The following MFN2 variants were observed in gnomAD, a reference collection of about 807,000 sequenced individuals.
MFN2 encodes mitofusin-2.
MFN2 carries 43 observed loss-of-function variants against 87.5 expected under a neutral mutation model. The ratio of observed to expected loss-of-function variants is 0.49; its 90% CI spans 0.38 to 0.63. MFN2 has a LOEUF of 0.63. Among genes scored for constraint, MFN2 ranks in the 30% least tolerant of loss-of-function variants. The pLI is 0.00. For synonymous variants in MFN2, 337 were observed against 359.9 expected (o/e 0.94, Z 0.72); for missense variants, 743 against 972.8 (o/e 0.76, Z 3.14).
Position 12,003,878 on chromosome 1 carries a change from C to A in MFN2, c.1161-114C>A. The A allele has an allele frequency of 7.1e-7, 1 of 1,413,044 alleles. No individual in the cohort carries two copies. The allele number at this position is 1,413,044 out of a possible 1,614,324, so 87.5% of individuals were successfully genotyped here. A position where few individuals can be genotyped will look rare whatever the true frequency, so the allele number is the denominator to read the frequency against. On this transcript the variant is annotated intron_variant, in intron 11 of 18. Coordinates refer to ENST00000235329, the MANE Select transcript of MFN2 (RefSeq NM_014874.4). The surrounding 1 kb of genome is among the most constrained non-coding windows in gnomAD (Gnocchi z 4.1). The stretch of plus-strand genomic sequence containing the variant: ...GGCCATGCCCCTGGGTGCGTGTGTG[C>A]AGCCCTGCCAGGCAAGATAGCGGGC...
intron 2 of MFN2, 125 bp from the exon 3 acceptor site, chr1:11,989,040 C>A: frequency 9.3e-7 from 1 of 1,069,838 alleles, no homozygotes; most frequent in Non-Finnish European, 1.4e-6. Context: ...TTGTTCTAGT[C>A]CTGGAGGTTG....
intron 6 of MFN2, among the ~76,000 whole-genome samples, chr1:11,998,097 T>C (rs927015618): frequency 6.6e-6 from 1 of 150,614 alleles, no homozygotes; most frequent in Admixed American, 6.6e-5. Context: ...TTGGCCAGGC[T>C]GGTCTTGAAC....
chr1:12,004,010 G>C lies in MFN2; in HGVS notation c.1179G>C (p.Met393Ile), dbSNP rs12069578. 14 of 1,614,144 alleles carry C rather than the reference G, an allele frequency of 8.7e-6. No individual in the cohort carries two copies. The highest frequency in any genetic ancestry group is 1.3e-5 in the African/African-American group (1 of 74,948). The change falls in exon 12 of 19, where the codon ATG becomes ATC. Residue 393 changes from methionine (M) to isoleucine (I), a missense_variant. Physicochemically the swap from Met to Ile is conservative, Grantham distance 10 (BLOSUM62 1). This residue lies in a region of MFN2 where 571 missense variants were observed against 670.7 expected (regional missense o/e 0.85). Coordinates refer to ENST00000235329, the MANE Select transcript of MFN2 (RefSeq NM_014874.4). This position sits in a 1 kb window ranked among gnomAD's most constrained non-coding sequence, Gnocchi z 4.2. ...AREQQVYCEE[M>I]REERQDRLKF... ...CTTTCAGGGTTTACTGCGAGGAAAT[G>C]CGTGAAGAGCGGCAAGACCGACTGA...
intron 9 of MFN2, 68 bp downstream of exon 9, chr1:12,001,622 C>CT (rs1299940089): frequency 1.2e-6 from 2 of 1,610,454 alleles, no homozygotes; most frequent in African/African-American, 1.3e-5. Flanking sequence ...GCTGAGGAGT[C>CT]TGTCAGTAGA....
At chr1:12,005,556 TCA>T (rs1388132874) in intron 14 of MFN2, among the ~76,000 whole-genome samples, 153 bp from the exon 15 acceptor site, 2 of 152,232 alleles carry the variant, frequency 1.3e-5, no homozygotes, top group African/African-American at 2.4e-5. Context: ...TGAGGCATGC[TCA>T]GTCTCACGGG....
intron 4 of MFN2, among the ~76,000 whole-genome samples, 161 bp downstream of exon 4, chr1:11,992,851 T>C (rs1439936577): frequency 1.3e-5 from 2 of 151,950 alleles, no homozygotes; most frequent in Middle Eastern, 3.2e-3. Flanking sequence ...TGAGACAGGG[T>C]TCTCTGTCAC....
chr1:11,998,688 C>T, intron 6 of MFN2, 82 bp from the exon 7 acceptor site: 4 of 1,311,762 alleles, frequency 3.0e-6, no homozygotes, highest in Non-Finnish European at 4.4e-6. Context: ...CTGCCTGCCT[C>T]ACAAGTCCCA....
chr1:11,986,203 T>C (rs1638398687), intron 2 of MFN2, among the ~76,000 whole-genome samples: 1 of 152,234 alleles, frequency 6.6e-6, no homozygotes, highest in Admixed American at 6.5e-5. Context: ...TTGGTCTTCA[T>C]GTACCTCTTC....
chr1:12,005,994 A>G (rs778739619), intron 15 of MFN2, 63 bp downstream of exon 15: 212 of 1,513,282 alleles, frequency 1.4e-4, no homozygotes, highest in Non-Finnish European at 1.8e-4. Context: ...GCCTCCAGAC[A>G]CGGGAACCAT....
chr1:12,011,377 G>A, intron 18 of MFN2, 119 bp from the exon 19 acceptor site: 3 of 1,057,242 alleles, frequency 2.8e-6, no homozygotes, highest in Non-Finnish European at 2.9e-6. Context: ...GGATAAACAC[G>A]ATTGTTGGAG....
At chr1:11,984,532 G>C (rs776319663) in intron 2 of MFN2, among the ~76,000 whole-genome samples, 2 of 152,158 alleles carry the variant, frequency 1.3e-5, no homozygotes, top group Non-Finnish European at 2.9e-5. Flanking sequence ...TTTCATCCAC[G>C]GATCCAGGCT....
intron 3 of MFN2, among the ~76,000 whole-genome samples, chr1:11,989,678 C>A (rs1427894387): frequency 6.6e-6 from 1 of 152,100 alleles, no homozygotes. Flanking sequence ...AGGGTTTTAC[C>A]CAGGTGTCTC....
intron 1 of MFN2, among the ~76,000 whole-genome samples, chr1:11,980,717 C>T (rs1173701398): frequency 2.0e-5 from 3 of 152,238 alleles, no homozygotes; most frequent in African/African-American, 7.2e-5. Flanking sequence ...CTCATCGCCC[C>T]CGCCTTTCCA....
rs548364420 is a variant in MFN2 at position 11,992,501 on chromosome 1, G to A, written c.176-54G>A. On this transcript the variant is annotated intron_variant, in intron 3 of 18. Transcript: ENST00000235329. Reference sequence around the variant, plus strand: ...GGCGCTCTGGCCCTTCCAGACTTGGGACTGTGGAACTCCTCTGACCACGTG... The same window carrying A: ...GGCGCTCTGGCCCTTCCAGACTTGGAACTGTGGAACTCCTCTGACCACGTG... 94 of 1,612,702 alleles carry A rather than the reference G, an allele frequency of 5.8e-5. No homozygotes were observed. In the South Asian group the frequency reaches 9.3e-4, roughly 16 times the overall value.
chr1:11,997,370 GGCCCAACTCTAAGT>G lies in MFN2; in HGVS notation c.554_567del (p.Asn185ThrfsTer5). On this transcript the variant is annotated frameshift_variant, in exon 6 of 19. Coordinates refer to ENST00000235329, the MANE Select transcript of MFN2 (RefSeq NM_014874.4). LOFTEE classifies it high-confidence loss of function. Reference sequence around the variant, plus strand: ...GCCGGCAGCCTAGTGAGTGTGATGTGGCCCAACTCTAAGTGCCCACTTCTGAAGGATGACCTCGT... The same window carrying G: ...GCCGGCAGCCTAGTGAGTGTGATGTGGCCCACTTCTGAAGGATGACCTCGT... 6.2e-7 allele frequency: 1 copy of G among 1,614,174 alleles called. No individual in the cohort carries two copies. The highest frequency in any genetic ancestry group is 8.5e-7 in the Non-Finnish European group (1 of 1,180,020).
At chr1:11,993,518 G>A (rs1316124552) in intron 4 of MFN2, among the ~76,000 whole-genome samples, 1 of 151,970 alleles carries the variant, frequency 6.6e-6, no homozygotes, top group Non-Finnish European at 1.5e-5. Context: ...GGTGGATCAC[G>A]AGGTCAGGAG....
At chr1:11,987,632 A>G (rs1638475296) in intron 2 of MFN2, among the ~76,000 whole-genome samples, 1 of 145,910 alleles carries the variant, frequency 6.9e-6, no homozygotes. Context: ...TCTGTCTCAG[A>G]AAAAAAAAAA....
intron 8 of MFN2, among the ~76,000 whole-genome samples, chr1:12,000,624 T>C (rs1019471044): frequency 1.3e-5 from 2 of 152,190 alleles, no homozygotes; most frequent in Non-Finnish European, 2.9e-5. Flanking sequence ...TGACACGTGG[T>C]AGGTGTCTAC....
In MFN2 at chr1:11,994,614, A is replaced by G. The variant is rs930990967; in HGVS notation, c.312-1542A>G. Among the ~76,000 whole-genome samples the G allele has an allele frequency of 2.6e-5, 4 of 152,096 alleles. No homozygotes were observed. In the East Asian group the frequency reaches 7.7e-4, roughly 29 times the overall value. ...CAAAAAAAAAAAATCTAATACAAGAAAAAAGGCATCTAGACAGATTGTATG... is the reference window on the plus strand; with the variant it reads ...CAAAAAAAAAAAATCTAATACAAGAGAAAAGGCATCTAGACAGATTGTATG... On this transcript the variant is annotated intron_variant, in intron 4 of 18. Transcript: ENST00000235329.
Sources: gnomAD v4.1 joint callset for allele counts (sites outside exome capture counted in the v4.1 genomes callset) on GRCh38, gnomAD v4.1.1 for gene constraint, gnomAD v4.1.1 regional missense constraint, Gnocchi (gnomAD v3.1) non-coding constraint, MANE v1.5 for transcripts, NCBI Gene and HGNC (gene_info 2026-07-23, HGNC 2026-07-21) for gene names.